The following HKDC1 variants were observed in gnomAD, a reference collection of about 807,000 sequenced individuals.
HKDC1 encodes hexokinase domain containing 1, also known as hexokinase HKDC1.
A neutral mutation model predicts 96.6 loss-of-function variants in HKDC1; 66 were observed. That is an observed-to-expected ratio of 0.68 (90% CI 0.56 to 0.84). The LOEUF is 0.84. Among genes scored for constraint, HKDC1 ranks in the 40% least tolerant of loss-of-function variants. The pLI, the probability that HKDC1 is intolerant of heterozygous loss-of-function variation, is 0.00. For synonymous variants in HKDC1, 466 were observed against 473.1 expected, an observed-to-expected ratio of 0.98 and a Z score of 0.20; for missense variants, 1,211 against 1,208.1, an observed-to-expected ratio of 1.00 and a Z score of -0.04.
chr10:69,255,371 A>G (rs974128630), intron 12 of HKDC1, among the ~76,000 whole-genome samples: 2 of 152,188 alleles, frequency 1.3e-5, no homozygotes, highest in African/African-American at 4.8e-5. Context: ...CCCAAGAACT[A>G]TGGAGGGAAG....
At chr10:69,257,282 C>T (rs1325304363) in intron 13 of HKDC1, 45 bp from the exon 14 acceptor site, 11 of 1,561,312 alleles carry the variant, frequency 7.0e-6, no homozygotes, top group Non-Finnish European at 9.7e-6. Flanking sequence ...GCACATTCAA[C>T]TCATAGTAAA....
intron 16 of HKDC1, among the ~76,000 whole-genome samples, chr10:69,264,567 A>G (rs1843863014): frequency 6.6e-6 from 1 of 152,026 alleles, no homozygotes; most frequent in East Asian, 1.9e-4. Flanking sequence ...GGGTCTTGTT[A>G]TGTAGCCCAG....
chr10:69,230,408 TG>T (rs953773778), intron 2 of HKDC1, among the ~76,000 whole-genome samples: 1 of 152,068 alleles, frequency 6.6e-6, no homozygotes, highest in Non-Finnish European at 1.5e-5. Flanking sequence ...CCCCTCCCCC[TG>T]GGGACTCTGA....
chr10:69,224,560 G>T (rs1222369504), intron 1 of HKDC1, among the ~76,000 whole-genome samples: 1 of 152,214 alleles, frequency 6.6e-6, no homozygotes, highest in Non-Finnish European at 1.5e-5. Context: ...TGGGATTACA[G>T]GCGTGAGCCA....
chr10:69,233,182 G>A, intron 4 of HKDC1, 49 bp downstream of exon 4: 1 of 1,608,562 alleles, frequency 6.2e-7, no homozygotes, highest in African/African-American at 1.3e-5. Context: ...CTTGGGGAAT[G>A]TGGGCACGGG....
rs770292279 is a variant in HKDC1, at chr10:69,261,210, A to C, written c.2288A>C (p.Gln763Pro). Residue 763 changes from glutamine (Q) to proline (P), a missense_variant, in exon 16 of 18, where the codon CAG becomes CCG. Transcript: ENST00000354624. ...CAGATCCTGATCGACCTGACCAAGCAGGGTCTCCTCTTCCGAGGGCAGATT... is the reference window on the plus strand; with the variant it reads ...CAGATCCTGATCGACCTGACCAAGCCGGGTCTCCTCTTCCGAGGGCAGATT... ...VRQILIDLTK[Q>P]GLLFRGQISE... 3.1e-6 allele frequency: 5 copies of C among 1,614,106 alleles called. No homozygotes were observed. Among genetic ancestry groups the C allele is most frequent in the Non-Finnish European group, 4.2e-6 (5 of 1,179,978 alleles).
intron 2 of HKDC1, among the ~76,000 whole-genome samples, chr10:69,229,039 T>G (rs1020402281): frequency 2.0e-5 from 3 of 152,112 alleles, no homozygotes; most frequent in African/African-American, 7.2e-5. Context: ...ACTGTGGTCA[T>G]GGGGTGCTGG....
chr10:69,230,387 C>T (rs1289591885), intron 2 of HKDC1, among the ~76,000 whole-genome samples: 2 of 152,148 alleles, frequency 1.3e-5, no homozygotes, highest in Non-Finnish European at 2.9e-5. Flanking sequence ...TCCTAATACA[C>T]ACTTTCCCAG....
In HKDC1 at chr10:69,248,635, G is replaced by C; in HGVS notation, c.1477G>C (p.Ala493Pro). The change falls in exon 10 of 18, where the codon GCT becomes CCT. Residue 493 changes from alanine (A) to proline (P), a missense_variant. Ala to Pro is a conservative substitution (Grantham distance 27). Coordinates refer to ENST00000354624, the MANE Select transcript of HKDC1 (RefSeq NM_025130.4). ...CGTGGACGTGCAGGCCAAGATGCGG[G>C]CTGAGCTGGAGTATGGGCTGAAGAA... ...QLVDVQAKMR[A>P]ELEYGLKKKS... is the part of the protein sequence containing the mutation. 1 of 1,614,182 alleles carries C rather than the reference G, an allele frequency of 6.2e-7. No homozygotes were observed. The highest frequency in any genetic ancestry group is 8.5e-7 in the Non-Finnish European group (1 of 1,180,028).
At chr10:69,239,212 G>A in intron 5 of HKDC1, 75 bp downstream of exon 5, 1 of 1,066,688 alleles carries the variant, frequency 9.4e-7, no homozygotes, top group Non-Finnish European at 1.4e-6. Flanking sequence ...GGCTGGGGGT[G>A]AGGTGAGGGG....
intron 12 of HKDC1, among the ~76,000 whole-genome samples, chr10:69,255,726 G>A (rs544246407): frequency 5.3e-5 from 8 of 152,194 alleles, no homozygotes; most frequent in South Asian, 4.2e-4. Context: ...AGACCAGCCT[G>A]GCCAACATGA....
intron 12 of HKDC1, among the ~76,000 whole-genome samples, chr10:69,252,973 CGTGTGTG>C (rs1388013801): frequency 2.1e-5 from 3 of 140,178 alleles, no homozygotes; most frequent in South Asian, 2.4e-4. Flanking sequence ...CATCTCTAAA[CGTGTGTG>C]TGTGTGTGTG....
chr10:69,243,408 GTGCCTAATCAC>G lies in HKDC1; in HGVS notation c.875+45_875+55del, dbSNP rs149441487. ...GTTATCTGGGCATCGGCACCAGGCA[GTGCCTAATCAC>G]TCAGGTCCCCTGGCTACCTGGGAGG... On this transcript the variant is annotated intron_variant, in intron 7 of 17. Transcript: ENST00000354624. The G allele has an allele frequency of 1.8e-3, 2,650 of 1,486,708 alleles. 37 individuals carry two copies. The African/African-American group carries it at 0.035, about 19-fold the overall frequency. The allele number at this position is 1,486,708 out of a possible 1,614,324, so 92.1% of individuals were successfully genotyped here.
At position 69,247,438 on chromosome 10, in the gene HKDC1, C is replaced by A. The variant is rs771926684; in HGVS notation, c.1110C>A (p.Ala370=). ...GLEPSEADCI[A]VQHVCTIVSF... is the part of the protein sequence containing the mutation. Reference sequence around the variant, plus strand: ...AACCGTCTGAGGCTGACTGCATTGCCGTCCAGCATGTCTGTACCATCGTCT... The same window carrying A: ...AACCGTCTGAGGCTGACTGCATTGCAGTCCAGCATGTCTGTACCATCGTCT... The change falls in exon 9 of 18, where the codon GCC becomes GCA. Residue 370 remains alanine, a synonymous_variant. Transcript: ENST00000354624. The A allele has an allele frequency of 1.2e-6, 2 of 1,614,008 alleles. No individual in the cohort carries two copies. The highest frequency in any genetic ancestry group is 8.5e-7 in the Non-Finnish European group (1 of 1,180,026).
At position 69,250,391 on chromosome 10, in the gene HKDC1, A is replaced by T; in HGVS notation, c.1672A>T (p.Ile558Phe). 6.2e-7 allele frequency: 1 copy of T among 1,614,034 alleles called. No individual in the cohort carries two copies. ...GRRSVRMYNK[I>F]FAIPLEIMQG... ...GAGGTCAGTGCGAATGTACAACAAG[A>T]TCTTCGCCATCCCCCTGGAGATCAT... Residue 558 changes from isoleucine (I) to phenylalanine (F), a missense_variant, in exon 11 of 18, where the codon ATC (isoleucine) becomes TTC (phenylalanine). Coordinates refer to ENST00000354624, the MANE Select transcript of HKDC1 (RefSeq NM_025130.4).
In HKDC1 at chr10:69,235,841, C is replaced by T. The variant is rs576542104; in HGVS notation, c.495+2708C>T. ...TTTCTCAATAATAATGATAAAAGCA[C>T]GTGCCTCCGGTTTTGACACTGTACC... is the stretch of plus-strand genomic sequence containing the variant. On this transcript the variant is annotated intron_variant, in intron 4 of 17. Transcript: ENST00000354624. Among the ~76,000 whole-genome samples the T allele has an allele frequency of 1.8e-4, 27 of 152,266 alleles. No individual in the cohort carries two copies. In the South Asian group the frequency reaches 3.7e-3, roughly 21 times the overall value.
intron 1 of HKDC1, among the ~76,000 whole-genome samples, chr10:69,220,819 G>A (rs1457296931): frequency 6.6e-6 from 1 of 152,208 alleles, no homozygotes; most frequent in African/African-American, 2.4e-5. Flanking sequence ...AGGCCACAAA[G>A]GCGAGGAGAA....
chr10:69,257,577 G>A, intron 14 of HKDC1, 151 bp downstream of exon 14: 4 of 680,378 alleles, frequency 5.9e-6, no homozygotes, highest in East Asian at 2.6e-5. Context: ...AGGTCACCAA[G>A]TTCTTTCTGC....
chr10:69,243,890 G>A (rs1843495217), intron 7 of HKDC1, among the ~76,000 whole-genome samples: 1 of 152,188 alleles, frequency 6.6e-6, no homozygotes, highest in African/African-American at 2.4e-5. Context: ...ATTTCCCTAA[G>A]TCATAACCCT....
Sources: allele counts gnomAD v4.1 joint callset (sites outside exome capture counted in the v4.1 genomes callset), GRCh38; gene constraint gnomAD v4.1.1; transcripts MANE v1.5; gene names NCBI Gene and HGNC (gene_info 2026-07-23, HGNC 2026-07-21).